Variants in DCC observed in about 807,000 individuals in gnomAD.
DCC encodes netrin receptor DCC.
DCC carries 58 observed loss-of-function variants against 172.5 expected under a neutral mutation model. The ratio of observed to expected loss-of-function variants is 0.34; its 90% CI spans 0.27 to 0.42. The LOEUF (loss-of-function observed/expected upper bound fraction) is 0.42. Ranked by LOEUF, DCC falls within the 10% of genes least tolerant of loss-of-function variation. DCC has a pLI of 1.00. For missense variants in DCC, 1,740 were observed against 1,791.0 expected (o/e 0.97, Z 0.51); for synonymous variants, 709 against 644.5 (o/e 1.10, Z -1.52).
chr18:53,102,108 C>T (rs541817251), intron 7 of DCC, among the ~76,000 whole-genome samples: 18 of 152,224 alleles, frequency 1.2e-4, no homozygotes, highest in Non-Finnish European at 2.4e-4. Context: ...CCAGTGAAGA[C>T]TGCTGAAGTT....
intron 15 of DCC, among the ~76,000 whole-genome samples, chr18:53,376,091 A>G (rs747632972): frequency 6.6e-6 from 1 of 152,114 alleles, no homozygotes; most frequent in East Asian, 1.9e-4. Flanking sequence ...AATTGATACA[A>G]ATATTATTTT....
chr18:53,530,484 C>A, intron 28 of DCC, 80 bp from the exon 29 acceptor site: 1 of 840,482 alleles, frequency 1.2e-6, no homozygotes, highest in Non-Finnish European at 2.1e-6. Flanking sequence ...CGTAGCACCC[C>A]AACTAGCTGT....
At chr18:53,305,135 C>G (rs2057185193) in intron 12 of DCC, among the ~76,000 whole-genome samples, 2 of 152,160 alleles carry the variant, frequency 1.3e-5, no homozygotes, top group African/African-American at 4.8e-5. Flanking sequence ...AACTATGAGT[C>G]CATTAAACCT....
At chr18:52,477,441 A>G (rs1187753646) in intron 1 of DCC, among the ~76,000 whole-genome samples, 1 of 152,176 alleles carries the variant, frequency 6.6e-6, no homozygotes, top group African/African-American at 2.4e-5. Flanking sequence ...ACCAGTGTGA[A>G]AATTGTCGGA....
intron 25 of DCC, among the ~76,000 whole-genome samples, chr18:53,469,215 T>C (rs2036410): frequency 0.48 from 73,458 of 151,926 alleles, 18,735 homozygotes; most frequent in Non-Finnish European, 0.58. Context: ...TCCCTTGGTC[T>C]TCCTTCCCCA....
intron 1 of DCC, among the ~76,000 whole-genome samples, chr18:52,546,674 C>CATT (rs2032626457): frequency 6.6e-6 from 1 of 151,852 alleles, no homozygotes; most frequent in Non-Finnish European, 1.5e-5. Context: ...TCATCATCAT[C>CATT]ATCATCATCA....
chr18:53,156,463 G>A (rs1189710514), intron 7 of DCC, among the ~76,000 whole-genome samples: 13 of 149,336 alleles, frequency 8.7e-5, no homozygotes, highest in African/African-American at 1.7e-4. Context: ...AGCTTGGGTT[G>A]CAGAGCAAGA....
intron 1 of DCC, among the ~76,000 whole-genome samples, chr18:52,536,968 C>A (rs916826563): frequency 6.6e-6 from 1 of 152,000 alleles, no homozygotes; most frequent in Non-Finnish European, 1.5e-5. Context: ...CAGTGCAGTG[C>A]CTTTTTTATT....
In DCC at chr18:52,869,116, A is replaced by T. The variant is rs538495684; in HGVS notation, c.413-36928A>T. On this transcript the variant is annotated intron_variant, in intron 2 of 28. Transcript: ENST00000442544. ...ACTTCCCTTTGCCTGCAATGTGGCA[A>T]ATGGGTCATATTTCAACTGTTAGTG... Among the ~76,000 whole-genome samples the T allele has an allele frequency of 1.4e-3, 206 of 152,362 alleles. 1 individual carries two copies. Among genetic ancestry groups the T allele is most frequent in the African/African-American group, 4.7e-3 (196 of 41,590 alleles).
At chr18:53,208,165 C>G (rs2055685611) in intron 11 of DCC, among the ~76,000 whole-genome samples, 1 of 149,482 alleles carries the variant, frequency 6.7e-6, no homozygotes. Flanking sequence ...ATCCCAGCTA[C>G]TTGGGAGGCT....
At chr18:52,571,760 G>A (rs954024499) in intron 1 of DCC, among the ~76,000 whole-genome samples, 3 of 152,168 alleles carry the variant, frequency 2.0e-5, no homozygotes, top group Non-Finnish European at 2.9e-5. Flanking sequence ...TCAAGCCTGG[G>A]AGAGCATTCC....
intron 1 of DCC, among the ~76,000 whole-genome samples, chr18:52,493,252 A>G (rs1336039649): frequency 6.6e-6 from 1 of 152,030 alleles, no homozygotes; most frequent in African/African-American, 2.4e-5. Context: ...TTACATTTAC[A>G]TGAGCTCACA....
intron 1 of DCC, among the ~76,000 whole-genome samples, chr18:52,529,959 A>C (rs567209811): frequency 2.0e-5 from 3 of 152,304 alleles, no homozygotes; most frequent in Admixed American, 6.5e-5. Flanking sequence ...GAAATAGAAA[A>C]TTTTAGCAAA....
intron 25 of DCC, among the ~76,000 whole-genome samples, chr18:53,476,881 G>T (rs910036859): frequency 1.8e-4 from 28 of 152,080 alleles, no homozygotes; most frequent in African/African-American, 6.5e-4. Context: ...TGAGAAAAAA[G>T]ACAATAGAAT....
intron 12 of DCC, among the ~76,000 whole-genome samples, chr18:53,235,451 T>G (rs992640529): frequency 2.8e-4 from 43 of 152,184 alleles, no homozygotes; most frequent in African/African-American, 1.0e-3. Context: ...AGTCACTATT[T>G]CTTTCTGCAG....
intron 7 of DCC, among the ~76,000 whole-genome samples, chr18:53,120,635 T>A (rs1458641991): frequency 6.6e-6 from 1 of 151,844 alleles, no homozygotes; most frequent in Non-Finnish European, 1.5e-5. Flanking sequence ...AATGTTGGAA[T>A]GTTATTATAG....
At chr18:52,489,304 G>T (rs2030384572) in intron 1 of DCC, among the ~76,000 whole-genome samples, 1 of 152,158 alleles carries the variant, frequency 6.6e-6, no homozygotes, top group East Asian at 1.9e-4. Context: ...GTCTCAAAAA[G>T]ATCTGAAGGC....
At chr18:53,221,524 A>T (rs1473781873) in intron 12 of DCC, among the ~76,000 whole-genome samples, 1 of 152,172 alleles carries the variant, frequency 6.6e-6, no homozygotes, top group Non-Finnish European at 1.5e-5. Flanking sequence ...TCTGGATCAC[A>T]TTCCTTATGT....
At chr18:53,495,859 GT>G in intron 26 of DCC, among the ~76,000 whole-genome samples, 1 of 152,144 alleles carries the variant, frequency 6.6e-6, no homozygotes, top group Admixed American at 6.6e-5. Context: ...ATTTCATTAA[GT>G]TGATTTCAAT....
Sources: gnomAD v4.1 joint callset for allele counts (sites outside exome capture counted in the v4.1 genomes callset) on GRCh38, gnomAD v4.1.1 for gene constraint, MANE v1.5 for transcripts, NCBI Gene and HGNC (gene_info 2026-07-23, HGNC 2026-07-21) for gene names.